Variants in CNOT11 observed in about 807,000 individuals in gnomAD.
CNOT11 encodes CCR4-NOT transcription complex subunit 11.
CNOT11 carries 18 observed loss-of-function variants against 44.6 expected under a neutral mutation model. That is an observed-to-expected ratio of 0.40 (90% CI 0.28 to 0.60). CNOT11 has a LOEUF of 0.60. CNOT11 is among the 20% of genes least tolerant of loss of function. CNOT11 has a pLI of 0.38. For synonymous variants in CNOT11, 291 were observed against 270.9 expected (o/e 1.07, Z -0.73); for missense variants, 513 against 677.0 (o/e 0.76, Z 2.69).
chr2:101,261,888 C>G (rs1681872448), intron 2 of CNOT11, among the ~76,000 whole-genome samples: 1 of 142,364 alleles, frequency 7.0e-6, no homozygotes, highest in Non-Finnish European at 1.5e-5. Flanking sequence ...GCTCTGTCGC[C>G]CAGGCTGGAG....
intron 1 of CNOT11, among the ~76,000 whole-genome samples, chr2:101,254,898 G>A (rs1573196157): frequency 6.6e-6 from 1 of 152,092 alleles, no homozygotes; most frequent in Non-Finnish European, 1.5e-5. Flanking sequence ...ACCACCCTAG[G>A]GTGCTTGTAT....
intron 2 of CNOT11, among the ~76,000 whole-genome samples, chr2:101,259,848 G>A (rs1449336797): frequency 6.6e-6 from 1 of 151,872 alleles, no homozygotes; most frequent in Non-Finnish European, 1.5e-5. Flanking sequence ...AACCAGCCTG[G>A]GCAACATAGG....
chr2:101,263,115 G>T (rs1573201643), intron 3 of CNOT11, among the ~76,000 whole-genome samples: 1 of 151,982 alleles, frequency 6.6e-6, no homozygotes, highest in African/African-American at 2.4e-5. Context: ...CAGCTACTTG[G>T]GAGGCTGAGT....
Position 101,269,414 on chromosome 2 carries a change from T to C in CNOT11, c.*1T>C. 1.2e-6 allele frequency: 2 copies of C among 1,613,202 alleles called. No homozygotes were observed. Among genetic ancestry groups the C allele is most frequent in the Non-Finnish European group, 1.7e-6 (2 of 1,179,218 alleles). ...TTCTGAGACCAAAATGTCAAAATAA[T>C]ACCTCATCAGAACCATCCCATCCAT... On this transcript the variant is annotated 3_prime_UTR_variant, in exon 7 of 7. Transcript: ENST00000289382. This position sits in a 1 kb window ranked among gnomAD's most constrained non-coding sequence, Gnocchi z 4.8.
chr2:101,259,432 T>C (rs1449994911), intron 2 of CNOT11, among the ~76,000 whole-genome samples: 1 of 152,090 alleles, frequency 6.6e-6, no homozygotes, highest in Non-Finnish European at 1.5e-5. Flanking sequence ...CAGAAAATAA[T>C]AGGAGAAGGA....
intron 2 of CNOT11, among the ~76,000 whole-genome samples, chr2:101,260,871 T>C (rs1235210634): frequency 6.6e-6 from 1 of 152,162 alleles, no homozygotes; most frequent in Non-Finnish European, 1.5e-5. Context: ...TATCTAACTT[T>C]TTGTACTTCA....
At chr2:101,264,770 T>C (rs1275352060) in intron 3 of CNOT11, 75 bp from the exon 4 acceptor site, 3 of 1,174,700 alleles carry the variant, frequency 2.6e-6, no homozygotes, top group East Asian at 4.7e-5. Flanking sequence ...TTGCATACTT[T>C]ATTAAGTGAA....
At position 101,269,990 on chromosome 2, in the gene CNOT11, C is replaced by CTA. The variant is rs1682073985; in HGVS notation, c.*577_*578insTA. On this transcript the variant is annotated 3_prime_UTR_variant, in exon 7 of 7. Coordinates refer to ENST00000289382, the MANE Select transcript of CNOT11 (RefSeq NM_017546.5). This position sits in a 1 kb window ranked among gnomAD's most constrained non-coding sequence, Gnocchi z 4.8. ...CTTGTCATGGAGGCTTAATAGACAA[C>CTA]AGAATAAATGCATTTCTTGGGCCTC... 5 of 152,436 alleles carry CTA rather than the reference C, an allele frequency of 3.3e-5. 1 individual carries two copies. The South Asian group carries it at 1.0e-3, about 32-fold the overall frequency. 9.4% of individuals were successfully genotyped at this position (152,436 alleles called of 1,614,324 possible). A position where few individuals can be genotyped will look rare whatever the true frequency, so the allele number is the denominator to read the frequency against.
chr2:101,264,338 T>C (rs978901378), intron 3 of CNOT11, among the ~76,000 whole-genome samples: 1 of 152,216 alleles, frequency 6.6e-6, no homozygotes, highest in African/African-American at 2.4e-5. Context: ...CGTTTCGAAA[T>C]ATCAAAAGGC....
chr2:101,267,362 ATC>A (rs1682010751), intron 5 of CNOT11, among the ~76,000 whole-genome samples: 1 of 152,178 alleles, frequency 6.6e-6, no homozygotes, highest in Non-Finnish European at 1.5e-5. Context: ...ACCTCAAGTG[ATC>A]TGCCCACCTC....
At chr2:101,261,274 AT>A (rs1681855442) in intron 2 of CNOT11, among the ~76,000 whole-genome samples, 1 of 152,146 alleles carries the variant, frequency 6.6e-6, no homozygotes, top group African/African-American at 2.4e-5. Context: ...GTGCCTGCCT[AT>A]AGTTTCACTT....
Position 101,253,357 on chromosome 2 carries a change from C to G in CNOT11, c.393C>G (p.Leu131=), listed in dbSNP as rs758780619. 1.9e-5 allele frequency: 30 copies of G among 1,601,448 alleles called. No homozygotes were observed. Among genetic ancestry groups the G allele is most frequent in the Non-Finnish European group, 2.5e-5 (29 of 1,179,064 alleles). The part of the protein sequence containing the change: ...AAQRLTALYL[L]WEMYRTEPLA... ...AGCGCCTCACGGCGCTCTACCTGCT[C>G]TGGGAGATGTACCGCACCGAGCCGC... Residue 131 remains leucine, a synonymous_variant, in exon 1 of 7, where the codon CTC becomes CTG. Coordinates refer to ENST00000289382, the MANE Select transcript of CNOT11 (RefSeq NM_017546.5). This position sits in a 1 kb window ranked among gnomAD's most constrained non-coding sequence, Gnocchi z 4.3.
intron 2 of CNOT11, among the ~76,000 whole-genome samples, chr2:101,260,794 T>TA (rs1221182931): frequency 1.3e-5 from 2 of 151,832 alleles, no homozygotes; most frequent in Non-Finnish European, 2.9e-5. Flanking sequence ...ACCTACCACT[T>TA]ACTAGTTTAC....
chr2:101,256,324 T>C (rs1681735663), intron 1 of CNOT11, among the ~76,000 whole-genome samples: 1 of 152,014 alleles, frequency 6.6e-6, no homozygotes, highest in Non-Finnish European at 1.5e-5. Flanking sequence ...GTGATCAGAT[T>C]TGTACTCTAG....
chr2:101,255,859 C>T (rs911428080), intron 1 of CNOT11, among the ~76,000 whole-genome samples: 16 of 151,778 alleles, frequency 1.1e-4, no homozygotes, highest in African/African-American at 3.1e-4. Context: ...GGTGTAAGGC[C>T]GGGTGTGGTA....
At chr2:101,256,778 G>C (rs1408415918) in intron 1 of CNOT11, among the ~76,000 whole-genome samples, 1 of 152,246 alleles carries the variant, frequency 6.6e-6, no homozygotes, top group Non-Finnish European at 1.5e-5. Flanking sequence ...GCCAGGCGTG[G>C]TGGCTCACGC....
chr2:101,265,014 C>T lies in CNOT11; in HGVS notation c.1002C>T (p.Phe334=). 1 of 1,613,914 alleles carries T rather than the reference C, an allele frequency of 6.2e-7. No individual in the cohort carries two copies. The highest frequency in any genetic ancestry group is 8.5e-7 in the Non-Finnish European group (1 of 1,179,844). The change falls in exon 4 of 7, where the codon TTC becomes TTT. Residue 334 remains phenylalanine (F), a synonymous_variant. Transcript: ENST00000289382. The part of the protein sequence containing the change: ...VEIKRIMAKA[F]KSPLSSPQQT... ...TCAAACGAATAATGGCCAAAGCCTT[C>T]AAAAGCCCCTTATCCTCTCCCCAAC...
intron 2 of CNOT11, among the ~76,000 whole-genome samples, chr2:101,259,422 CAG>C (rs1200620286): frequency 6.6e-6 from 1 of 152,086 alleles, no homozygotes. Flanking sequence ...TGTGTCCTGA[CAG>C]AAAATAATAG....
intron 1 of CNOT11, among the ~76,000 whole-genome samples, chr2:101,254,253 A>G (rs1348914831): frequency 6.6e-6 from 1 of 152,232 alleles, no homozygotes; most frequent in Non-Finnish European, 1.5e-5. Flanking sequence ...GAACCAGTGT[A>G]GTGGAGGAAG....
Sources: gnomAD v4.1 joint callset for allele counts (sites outside exome capture counted in the v4.1 genomes callset) on GRCh38, gnomAD v4.1.1 for gene constraint, Gnocchi (gnomAD v3.1) non-coding constraint, MANE v1.5 for transcripts, NCBI Gene and HGNC (gene_info 2026-07-23, HGNC 2026-07-21) for gene names.